Variants in NFIA observed in about 807,000 individuals in gnomAD.
The protein encoded by NFIA is nuclear factor 1 A-type.
NFIA carries 8 observed loss-of-function variants against 62.8 expected under a neutral mutation model. The observed-to-expected ratio is 0.13, with a 90% CI of 0.07 to 0.23. The LOEUF (loss-of-function observed/expected upper bound fraction) is 0.23, where lower values mean the gene tolerates loss of function less well. NFIA is among the 10% of genes least tolerant of loss of function. NFIA has a pLI of 1.00. For missense variants in NFIA, 410 were observed against 642.1 expected (o/e 0.64, Z 3.91); for synonymous variants, 235 against 238.1 (o/e 0.99, Z 0.12).
chr1:61,319,857 T>TA, intron 3 of NFIA, among the ~76,000 whole-genome samples: 1 of 148,378 alleles, frequency 6.7e-6, no homozygotes, highest in East Asian at 1.9e-4. Context: ...GATCACACTC[T>TA]ATTAAGCCAG....
In NFIA at chr1:61,459,977, C is replaced by CT. The variant is rs940939921; in HGVS notation, c.*4663dup. Reference sequence around the variant, plus strand: ...CTTTCTTGTCTTCATTCTTTCTTTTCTTTTTTATTTCTGGTAGCAGGCCTC... The same window carrying CT: ...CTTTCTTGTCTTCATTCTTTCTTTTCTTTTTTTATTTCTGGTAGCAGGCCTC... On this transcript the variant is annotated 3_prime_UTR_variant, in exon 11 of 11. Transcript: ENST00000403491. The CT allele has an allele frequency of 6.6e-6, 1 of 151,714 alleles. No individual in the cohort carries two copies. Among genetic ancestry groups the CT allele is most frequent in the African/African-American group, 2.4e-5 (1 of 41,200 alleles). The allele number at this position is 151,714 out of a possible 1,614,324, so 9.4% of individuals were successfully genotyped here. A position where few individuals can be genotyped will look rare whatever the true frequency, so the allele number is the denominator to read the frequency against.
intron 7 of NFIA, among the ~76,000 whole-genome samples, chr1:61,401,675 G>A (rs958999459): frequency 6.6e-6 from 1 of 152,190 alleles, no homozygotes; most frequent in Non-Finnish European, 1.5e-5. Context: ...CCTACCAGGG[G>A]CTCTTGTCAG....
At chr1:61,300,528 T>C (rs1659441061) in intron 3 of NFIA, among the ~76,000 whole-genome samples, 1 of 152,110 alleles carries the variant, frequency 6.6e-6, no homozygotes, top group African/African-American at 2.4e-5. Flanking sequence ...CAGAAATTTA[T>C]TTAAAATAAT....
chr1:61,367,227 T>G (rs1353904264), intron 6 of NFIA, among the ~76,000 whole-genome samples: 1 of 152,090 alleles, frequency 6.6e-6, no homozygotes, highest in Admixed American at 6.5e-5. Context: ...ATTGTAAGAG[T>G]GGAGGAAGTC....
In NFIA at chr1:61,461,215, G is replaced by A. The variant is rs1010062574; in HGVS notation, c.*5895G>A. On this transcript the variant is annotated 3_prime_UTR_variant, in exon 11 of 11. Coordinates refer to ENST00000403491, the MANE Select transcript of NFIA (RefSeq NM_001134673.4). The stretch of plus-strand genomic sequence containing the variant: ...GCGGAGACTGATACATTTTCTTAAT[G>A]GACAATGTTCAAGCCAGGTACCCAT... The A allele has an allele frequency of 6.6e-6, 1 of 151,942 alleles. No homozygotes were observed. The highest frequency in any genetic ancestry group is 2.4e-5 in the African/African-American group (1 of 41,352). The allele number at this position is 151,942 out of a possible 1,614,324, so 9.4% of individuals were successfully genotyped here. A position where few individuals can be genotyped will look rare whatever the true frequency, so the allele number is the denominator to read the frequency against.
At chr1:61,425,476 G>A (rs1326676931) in intron 9 of NFIA, among the ~76,000 whole-genome samples, 1 of 152,168 alleles carries the variant, frequency 6.6e-6, no homozygotes, top group Non-Finnish European at 1.5e-5. Context: ...TCTGGAGTTA[G>A]TTTAAAAACC....
intron 2 of NFIA, among the ~76,000 whole-genome samples, chr1:61,228,190 A>G (rs1654450887): frequency 6.6e-6 from 1 of 152,168 alleles, no homozygotes; most frequent in Non-Finnish European, 1.5e-5. Context: ...ATTGTCAGTC[A>G]TTTCAGGAAA....
At chr1:61,416,590 G>C (rs1457495750) in intron 9 of NFIA, among the ~76,000 whole-genome samples, 2 of 151,872 alleles carry the variant, frequency 1.3e-5, no homozygotes, top group African/African-American at 4.8e-5. Flanking sequence ...TAACATAATT[G>C]GTTATAAATA....
chr1:61,143,017 C>T (rs899369075), intron 2 of NFIA, among the ~76,000 whole-genome samples: 4 of 152,344 alleles, frequency 2.6e-5, no homozygotes, highest in South Asian at 2.1e-4. Flanking sequence ...AGAGGAGGAA[C>T]ACCTGGCTTC....
intron 2 of NFIA, among the ~76,000 whole-genome samples, chr1:61,182,311 A>G (rs961951092): frequency 6.6e-6 from 1 of 152,184 alleles, no homozygotes; most frequent in Non-Finnish European, 1.5e-5. Context: ...GATCTCTTGG[A>G]AGCTGGACTT....
At chr1:61,249,131 A>G (rs940836458) in intron 2 of NFIA, 2 of 152,216 alleles carry the variant, frequency 1.3e-5, no homozygotes, top group Non-Finnish European at 2.9e-5. Context: ...AAAACAATAC[A>G]TTTTTATTTT....
Position 61,462,029 on chromosome 1 carries a change from T to TTG in NFIA, c.*6710_*6711insGT, listed in dbSNP as rs1553125187. 6.7e-6 allele frequency: 1 copy of TTG among 149,944 alleles called. No homozygotes were observed. The highest frequency in any genetic ancestry group is 2.4e-5 in the African/African-American group (1 of 40,854). 9.3% of individuals were successfully genotyped at this position (149,944 alleles called of 1,614,324 possible). On this transcript the variant is annotated 3_prime_UTR_variant, in exon 11 of 11. Coordinates refer to ENST00000403491, the MANE Select transcript of NFIA (RefSeq NM_001134673.4). ...CTGTAAGTTAGCCTTTTTGGGTTTT[T>TTG]TTTTTTTTTTTTTGGCTTTTTTTTT...
upstream of NFIA, among the ~76,000 whole-genome samples, chr1:61,080,043 G>C (rs1156507793): frequency 1.3e-5 from 2 of 152,136 alleles, no homozygotes; most frequent in Non-Finnish European, 2.9e-5. Context: ...GGGAGCGGGA[G>C]CTGGCGGAGA....
intron 4 of NFIA, among the ~76,000 whole-genome samples, chr1:61,334,675 G>C (rs900630709): frequency 4.0e-5 from 6 of 148,536 alleles, no homozygotes; most frequent in African/African-American, 1.5e-4. Context: ...CCCTCACTGG[G>C]ATCTAAAACA....
chr1:61,232,048 G>T (rs1311326315), intron 2 of NFIA, among the ~76,000 whole-genome samples: 2 of 152,058 alleles, frequency 1.3e-5, no homozygotes, highest in Non-Finnish European at 2.9e-5. Context: ...TTGATTGAGG[G>T]CTCAAAACAG....
At chr1:61,400,446 C>T (rs942843261) in intron 7 of NFIA, among the ~76,000 whole-genome samples, 1 of 152,118 alleles carries the variant, frequency 6.6e-6, no homozygotes, top group African/African-American at 2.4e-5. Flanking sequence ...TATTAGATGC[C>T]GGAAGCAGCC....
chr1:61,110,544 GTCATATTC>G (rs879877799), intron 2 of NFIA, among the ~76,000 whole-genome samples: 4 of 151,978 alleles, frequency 2.6e-5, no homozygotes, highest in East Asian at 1.9e-4. Flanking sequence ...AGCTATTTGA[GTCATATTC>G]TCTGGATTTT....
At chr1:61,191,039 AT>A (rs138603951) in intron 2 of NFIA, among the ~76,000 whole-genome samples, 30,699 of 146,786 alleles carry the variant, frequency 0.21, 4,010 homozygotes, top group African/African-American at 0.36. Flanking sequence ...AAAATGAAGG[AT>A]TTTTTTTTTT....
chr1:61,178,859 TG>T (rs1650567587), intron 2 of NFIA, among the ~76,000 whole-genome samples: 1 of 152,210 alleles, frequency 6.6e-6, no homozygotes, highest in East Asian at 1.9e-4. Context: ...CCAGGAAGTA[TG>T]GTGAGGGCAT....
Sources: allele counts gnomAD v4.1 joint callset (sites outside exome capture counted in the v4.1 genomes callset), GRCh38; gene constraint gnomAD v4.1.1; transcripts MANE v1.5; gene names NCBI Gene and HGNC (gene_info 2026-07-23, HGNC 2026-07-21).